OCRL: variants seen among roughly 807,000 people sequenced by gnomAD.
OCRL encodes the protein OCRL inositol polyphosphate-5-phosphatase.
OCRL carries 8 observed loss-of-function variants against 78.9 expected under a neutral mutation model. The ratio of observed to expected loss-of-function variants is 0.10; its 90% CI spans 0.06 to 0.18. OCRL has a LOEUF of 0.18. Ranked by LOEUF, OCRL falls within the 10% of genes least tolerant of loss-of-function variation. OCRL has a pLI of 1.00. For missense variants in OCRL, 454 were observed against 696.7 expected, an observed-to-expected ratio of 0.65 and a Z score of 3.92; for synonymous variants, 240 against 235.4, an observed-to-expected ratio of 1.02 and a Z score of -0.18.
Position 129,576,029 on chromosome X carries a change from C to T in OCRL, c.1846C>T (p.Arg616Trp), listed in dbSNP as rs199604029. 5 of 1,210,128 alleles carry T rather than the reference C, an allele frequency of 4.1e-6. No homozygotes were observed. Among genetic ancestry groups the T allele is most frequent in the East Asian group, 5.9e-5 (2 of 33,770 alleles). The part of the protein sequence containing the change: ...NDSQYCKPWL[R>W]AEPFEGYLEP... ...CAGCCAGTACTGCAAGCCATGGCTTCGGGCTGAACCTTTTGAGGGCTACTT... is the reference window on the plus strand; with the variant it reads ...CAGCCAGTACTGCAAGCCATGGCTTTGGGCTGAACCTTTTGAGGGCTACTT... The change falls in exon 17 of 24, where the codon CGG (arginine) becomes TGG (tryptophan). Residue 616 changes from arginine to tryptophan, a missense_variant. Physicochemically the swap from Arg to Trp is moderately radical, Grantham distance 101 (BLOSUM62 -3). Around this residue, in one of 2 missense-constraint regions of OCRL, gnomAD observed 277 missense variants for 517.1 expected, o/e 0.54. Transcript: ENST00000371113.
chrX:129,582,548 G>A (rs1311708203), intron 18 of OCRL, among the ~76,000 whole-genome samples: 1 of 112,332 alleles, frequency 8.9e-6, no homozygotes, highest in African/African-American at 3.2e-5. Context: ...TATAAAATGT[G>A]TCAGATAGAT....
rs192655850 is a variant in OCRL, at chrX:129,582,245, A to G, written c.2116-2099A>G. Among the ~76,000 whole-genome samples, 7 of 111,253 alleles carry G rather than the reference A, an allele frequency of 6.3e-5. No individual in the cohort carries two copies. The East Asian group carries it at 1.7e-3, about 27-fold the overall frequency. On this transcript the variant is annotated intron_variant, in intron 18 of 23. Transcript: ENST00000371113. Reference sequence around the variant, plus strand: ...CTGTGAGTCTTTTAAAGGGCTAGCAATGATTTATTGAGAACTCGTATTCAT... The same window carrying G: ...CTGTGAGTCTTTTAAAGGGCTAGCAGTGATTTATTGAGAACTCGTATTCAT...
intron 2 of OCRL, among the ~76,000 whole-genome samples, chrX:129,541,477 C>A (rs1234395660): frequency 8.9e-6 from 1 of 111,969 alleles, no homozygotes; most frequent in Admixed American, 9.4e-5. Context: ...TGTCACCTTC[C>A]TCTCTGCCAT....
At chrX:129,560,813 T>A (rs1186075160) in intron 9 of OCRL, among the ~76,000 whole-genome samples, 162 bp downstream of exon 9, 2 of 112,613 alleles carry the variant, frequency 1.8e-5, no homozygotes, top group Non-Finnish European at 3.8e-5. Context: ...AACAGATACC[T>A]AAAATGGTGT....
At chrX:129,550,609 T>C (rs1935946863) in intron 4 of OCRL, among the ~76,000 whole-genome samples, 1 of 111,915 alleles carries the variant, frequency 8.9e-6, no homozygotes, top group African/African-American at 3.2e-5. Context: ...GTGGAGGTTT[T>C]TTCTATGTCC....
chrX:129,545,533 A>G (rs1291812405), intron 3 of OCRL, among the ~76,000 whole-genome samples: 1 of 111,824 alleles, frequency 8.9e-6, no homozygotes, highest in Non-Finnish European at 1.9e-5. Flanking sequence ...AAGAAAATTG[A>G]CTCTGGGGAG....
At chrX:129,544,106 A>T (rs5932634) in intron 2 of OCRL, among the ~76,000 whole-genome samples, 15,783 of 110,722 alleles carry the variant, frequency 0.14, 928 homozygotes, top group South Asian at 0.2. Flanking sequence ...AGTGTTCCTG[A>T]CAAAAAACTA....
intron 18 of OCRL, among the ~76,000 whole-genome samples, chrX:129,581,831 T>TTCTCTC (rs753415077): frequency 0.018 from 1,189 of 65,482 alleles, 36 homozygotes; most frequent in African/African-American, 0.06. Context: ...CCCTTTGTCT[T>TTCTCTC]TCTCTCTCTC....
intron 12 of OCRL, among the ~76,000 whole-genome samples, chrX:129,563,722 G>C (rs1170558805): frequency 9.0e-6 from 1 of 111,688 alleles, no homozygotes; most frequent in Admixed American, 9.6e-5. Context: ...TGTGGTGGTA[G>C]AAAATGATTA....
At chrX:129,583,607 A>C (rs1936472670) in intron 18 of OCRL, among the ~76,000 whole-genome samples, 1 of 111,869 alleles carries the variant, frequency 8.9e-6, no homozygotes, top group Non-Finnish European at 1.9e-5. Flanking sequence ...ATGCTCCCTA[A>C]GTGGTGGTGG....
intron 8 of OCRL, among the ~76,000 whole-genome samples, chrX:129,559,488 C>T (rs1452043121): frequency 1.8e-5 from 2 of 111,964 alleles, no homozygotes; most frequent in African/African-American, 3.2e-5. Context: ...CTTGAGCCAC[C>T]GTGCTTGGCC....
chrX:129,548,690 T>G, intron 4 of OCRL, 89 bp downstream of exon 4: 1 of 807,492 alleles, frequency 1.2e-6, no homozygotes, highest in Non-Finnish European at 1.9e-6. Flanking sequence ...TGGGGCACAT[T>G]TTTTATTTTA....
At chrX:129,556,694 A>G (rs749545186) in intron 4 of OCRL, among the ~76,000 whole-genome samples, 2 of 112,338 alleles carry the variant, frequency 1.8e-5, no homozygotes, top group Non-Finnish European at 3.8e-5. Flanking sequence ...AATTGGCTGT[A>G]CTTGAACCAA....
intron 22 of OCRL, chrX:129,589,614 C>T (rs1225070355): frequency 1.4e-5 from 6 of 420,922 alleles, no homozygotes; most frequent in Admixed American, 3.8e-5. Flanking sequence ...TGTGTGATGA[C>T]CACGTGGCCT....
intron 1 of OCRL, 83 bp from the exon 2 acceptor site, chrX:129,540,661 G>GC (rs1569456048): frequency 1.8e-5 from 15 of 817,275 alleles, no homozygotes; most frequent in South Asian, 4.3e-5. Context: ...CGGTGGGGGG[G>GC]GGGTGGAAGA....
At chrX:129,580,264 G>A (rs917830955) in intron 18 of OCRL, among the ~76,000 whole-genome samples, 18 of 112,376 alleles carry the variant, frequency 1.6e-4, no homozygotes, top group African/African-American at 5.8e-4. Flanking sequence ...TGGGTGAGCA[G>A]GCTCTTCCAG....
At chrX:129,574,605 T>G (rs1174754095) in intron 15 of OCRL, among the ~76,000 whole-genome samples, 1 of 112,501 alleles carries the variant, frequency 8.9e-6, no homozygotes, top group Admixed American at 9.4e-5. Flanking sequence ...TTAATAATAT[T>G]TGCTGCCACC....
chrX:129,576,653 CGGG>C (rs1259909624), intron 18 of OCRL, 101 bp downstream of exon 18: 2 of 598,070 alleles, frequency 3.3e-6, no homozygotes, highest in Non-Finnish European at 5.5e-6. Context: ...CTTTTGGCCA[CGGG>C]GGATGTCAAA....
At chrX:129,556,328 C>T (rs1157244510) in intron 4 of OCRL, among the ~76,000 whole-genome samples, 1 of 111,212 alleles carries the variant, frequency 9.0e-6, no homozygotes, top group Non-Finnish European at 1.9e-5. Context: ...TGGGACTTTC[C>T]CAGTCTTAGC....
Sources: allele counts gnomAD v4.1 joint callset (sites outside exome capture counted in the v4.1 genomes callset), GRCh38; gene constraint gnomAD v4.1.1; regional missense constraint gnomAD v4.1.1; transcripts MANE v1.5; gene names NCBI Gene and HGNC (gene_info 2026-07-23, HGNC 2026-07-21).